ESRP1: variants seen among roughly 807,000 people sequenced by gnomAD.
ESRP1 encodes epithelial splicing regulatory protein 1, also known as RNA-binding motif protein 35A.
Under a neutral mutation model 81.7 loss-of-function variants are expected in ESRP1, and 33 were observed. The observed-to-expected ratio is 0.40, with a 90% CI of 0.31 to 0.54. The LOEUF (loss-of-function observed/expected upper bound fraction) is 0.54, where lower values mean the gene tolerates loss of function less well. Ranked by LOEUF, ESRP1 falls within the 20% of genes least tolerant of loss-of-function variation. The pLI, the probability that ESRP1 is intolerant of heterozygous loss-of-function variation, is 0.41. For synonymous variants in ESRP1, 320 were observed against 303.3 expected, an observed-to-expected ratio of 1.06 and a Z score of -0.57; for missense variants, 672 against 833.1, an observed-to-expected ratio of 0.81 and a Z score of 2.38.
At chr8:94,645,733 A>T (rs560083842) in intron 3 of ESRP1, among the ~76,000 whole-genome samples, 26 of 152,314 alleles carry the variant, frequency 1.7e-4, no homozygotes, top group African/African-American at 5.5e-4. Flanking sequence ...ATTAGAACCC[A>T]ATAGTTAGAA....
In ESRP1 at chr8:94,643,332, T is replaced by C. The variant is rs1817704692; in HGVS notation, c.291T>C (p.Asn97=). The part of the protein sequence containing the change: ...QFNQSVSNEL[N]IGVGTSFCLC... Reference sequence around the variant, plus strand: ...ACCAGTCAGTGAGCAATGAACTGAATATTGGAGTAGGGACTTCCTTCTGTC... The same window carrying C: ...ACCAGTCAGTGAGCAATGAACTGAACATTGGAGTAGGGACTTCCTTCTGTC... The change falls in exon 3 of 16, where the codon AAT becomes AAC. Residue 97 remains asparagine, a synonymous_variant. Coordinates refer to ENST00000433389, the MANE Select transcript of ESRP1 (RefSeq NM_017697.4). The C allele has an allele frequency of 1.2e-6, 2 of 1,613,480 alleles. No individual in the cohort carries two copies. The highest frequency in any genetic ancestry group is 2.2e-5 in the East Asian group (1 of 44,882).
At chr8:94,652,102 C>G (rs1315691549) in intron 4 of ESRP1, among the ~76,000 whole-genome samples, 2 of 144,376 alleles carry the variant, frequency 1.4e-5, no homozygotes, top group East Asian at 4.3e-4. Context: ...ATTCTCCTGT[C>G]TCAGCCTCCC....
At chr8:94,692,074 T>G (rs1809423627) in intron 13 of ESRP1, among the ~76,000 whole-genome samples, 1 of 152,100 alleles carries the variant, frequency 6.6e-6, no homozygotes, top group African/African-American at 2.4e-5. Flanking sequence ...TTTTCTCCCT[T>G]GTGTTAATGG....
intron 6 of ESRP1, among the ~76,000 whole-genome samples, chr8:94,662,997 C>T (rs745668369): frequency 1.3e-5 from 2 of 152,052 alleles, no homozygotes; most frequent in African/African-American, 4.8e-5. Flanking sequence ...TCTTGCTGTT[C>T]GGTCATCTGT....
intron 4 of ESRP1, chr8:94,655,881 C>T (rs920995245): frequency 5.9e-5 from 9 of 151,962 alleles, no homozygotes; most frequent in African/African-American, 2.2e-4. Flanking sequence ...ACAGTGAGAC[C>T]CTGTCTCGAA....
rs542933576 is a variant in ESRP1, at chr8:94,696,774, G to C, written c.1972-78G>C. ...TAAATGTCCTATACTTTTGTTGGTA[G>C]ATCTATTTAGCTGAAATATTATCCA... On this transcript the variant is annotated intron_variant, in intron 14 of 15. Transcript: ENST00000433389. The C allele has an allele frequency of 1.2e-5, 13 of 1,127,902 alleles. No individual in the cohort carries two copies. In the East Asian group the frequency reaches 3.4e-4, roughly 29 times the overall value. 69.9% of individuals were successfully genotyped at this position (1,127,902 alleles called of 1,614,324 possible).
chr8:94,657,480 T>TGTGC (rs755523947), intron 4 of ESRP1, among the ~76,000 whole-genome samples: 36 of 150,752 alleles, frequency 2.4e-4, no homozygotes, highest in African/African-American at 3.2e-4. Context: ...TGCGTGTGTG[T>TGTGC]GTGTGTGTGT....
In ESRP1 at chr8:94,692,823, A is replaced by T; in HGVS notation, c.1967A>T (p.Tyr656Phe). 3.1e-6 allele frequency: 5 copies of T among 1,612,870 alleles called. No individual in the cohort carries two copies. Among genetic ancestry groups the T allele is most frequent in the South Asian group, 1.1e-5 (1 of 90,790 alleles). Reference sequence around the variant, plus strand: ...GAAATTCTTAACTTCTTCCAAGGTTACCAGGTCAGTAGCTTGAAGGAGAAT... The same window carrying T: ...GAAATTCTTAACTTCTTCCAAGGTTTCCAGGTCAGTAGCTTGAAGGAGAAT... ...VKEILNFFQG[Y>F]QYATEDGLIH... Residue 656 changes from tyrosine (Y) to phenylalanine (F), a missense_variant, in exon 14 of 16, where the codon TAC becomes TTC. Tyr to Phe is a conservative substitution (Grantham distance 22). Coordinates refer to ENST00000433389, the MANE Select transcript of ESRP1 (RefSeq NM_017697.4).
Position 94,646,171 on chromosome 8 carries a change from G to A in ESRP1, c.379G>A (p.Val127Ile). 6.3e-7 allele frequency: 1 copy of A among 1,586,790 alleles called. No individual in the cohort carries two copies. The highest frequency in any genetic ancestry group is 8.6e-7 in the Non-Finnish European group (1 of 1,157,770). ...ILHPEASKKNVLLPECFYSFF... is the reference protein window; with the variant it reads ...ILHPEASKKNILLPECFYSFF... The stretch of plus-strand genomic sequence containing the variant: ...TATCTACCTTGTCCTTCCTCAGAAT[G>A]TACTATTACCTGAATGCTTCTATTC... Residue 127 changes from valine to isoleucine, a missense_variant, in exon 4 of 16, where the codon GTA (valine) becomes ATA (isoleucine). Val to Ile is a conservative substitution (Grantham distance 29). Coordinates refer to ENST00000433389, the MANE Select transcript of ESRP1 (RefSeq NM_017697.4).
Position 94,665,174 on chromosome 8 carries a change from A to C in ESRP1, c.909A>C (p.Glu303Asp), listed in dbSNP as rs1818957723. The C allele has an allele frequency of 6.2e-7, 1 of 1,613,392 alleles. No individual in the cohort carries two copies. Among genetic ancestry groups the C allele is most frequent in the South Asian group, 1.1e-5 (1 of 90,848 alleles). Reference sequence around the variant, plus strand: ...CTCAGGTTTACAAAGCAACAGGTGAAGATTTCCTTAAAATTGCTGGTGGTA... The same window carrying C: ...CTCAGGTTTACAAAGCAACAGGTGACGATTTCCTTAAAATTGCTGGTGGTA... ...RYIEVYKATGEDFLKIAGGTS... is the reference protein window; with the variant it reads ...RYIEVYKATGDDFLKIAGGTS... The change falls in exon 9 of 16, where the codon GAA becomes GAC. Residue 303 changes from glutamate to aspartate, a missense_variant. Transcript: ENST00000433389.
intron 4 of ESRP1, chr8:94,649,687 A>G (rs1275427872): frequency 1.3e-5 from 2 of 151,940 alleles, no homozygotes; most frequent in African/African-American, 2.4e-5. Flanking sequence ...TAATTTTTGT[A>G]TTATTAGTAG....
intron 4 of ESRP1, among the ~76,000 whole-genome samples, chr8:94,658,910 T>C (rs1211970289): frequency 4.6e-5 from 7 of 152,204 alleles, no homozygotes; most frequent in Admixed American, 4.6e-4. Context: ...TTGTATTTTG[T>C]CTTTTTTTAA....
chr8:94,662,289 A>G lies in ESRP1; in HGVS notation c.508A>G (p.Ser170Gly). The G allele has an allele frequency of 6.4e-7, 1 of 1,573,180 alleles. No individual in the cohort carries two copies. Among genetic ancestry groups the G allele is most frequent in the Non-Finnish European group, 8.6e-7 (1 of 1,157,258 alleles). The change falls in exon 5 of 16, where the codon AGT becomes GGT. Residue 170 changes from serine (S) to glycine (G), a missense_variant. By Grantham distance (56) the Ser-to-Gly change is moderately conservative (BLOSUM62 0). Coordinates refer to ENST00000433389, the MANE Select transcript of ESRP1 (RefSeq NM_017697.4). Reference protein sequence around the residue: ...TMTEYLNFEKSSSVSRYGASQ... With the variant: ...TMTEYLNFEKGSSVSRYGASQ... Reference sequence around the variant, plus strand: ...TCTCACAGATTTAAATTTTGAGAAGAGTAGTTCAGTCTCTCGATATGGAGC... The same window carrying G: ...TCTCACAGATTTAAATTTTGAGAAGGGTAGTTCAGTCTCTCGATATGGAGC...
chr8:94,660,709 C>CAAAAAAAAAAAAA (rs60316449), intron 4 of ESRP1, among the ~76,000 whole-genome samples: 4 of 43,532 alleles, frequency 9.2e-5, no homozygotes, highest in Admixed American at 3.8e-4. Flanking sequence ...GAGACTATCT[C>CAAAAAAAAAAAAA]AAAAAAAAAA....
intron 15 of ESRP1, among the ~76,000 whole-genome samples, chr8:94,700,821 C>T (rs895472570): frequency 2.0e-5 from 3 of 151,414 alleles, no homozygotes; most frequent in African/African-American, 4.9e-5. Context: ...CCCAGCTACT[C>T]GGGAGGCTGG....
intron 13 of ESRP1, chr8:94,688,206 C>A: frequency 6.6e-6 from 1 of 151,010 alleles, no homozygotes; most frequent in Non-Finnish European, 1.5e-5. Context: ...AATCTATGAC[C>A]AGCTGTTTTT....
At chr8:94,673,229 T>G (rs1819420782) in intron 11 of ESRP1, among the ~76,000 whole-genome samples, 1 of 152,242 alleles carries the variant, frequency 6.6e-6, no homozygotes, top group Non-Finnish European at 1.5e-5. Context: ...ATTTGGTTTC[T>G]TATTGAGTCA....
At chr8:94,701,302 TG>T (rs1809829799) in intron 15 of ESRP1, among the ~76,000 whole-genome samples, 1 of 150,246 alleles carries the variant, frequency 6.7e-6, no homozygotes, top group African/African-American at 2.5e-5. Flanking sequence ...ATTGAGCGAT[TG>T]ATCTCATGGC....
chr8:94,673,870 A>G (rs1236689282), intron 11 of ESRP1, among the ~76,000 whole-genome samples: 1 of 152,310 alleles, frequency 6.6e-6, no homozygotes, highest in East Asian at 1.9e-4. Context: ...GAGCCAAAAA[A>G]GAATACCGGT....
Sources: gnomAD v4.1 joint callset for allele counts (sites outside exome capture counted in the v4.1 genomes callset) on GRCh38, gnomAD v4.1.1 for gene constraint, MANE v1.5 for transcripts, NCBI Gene and HGNC (gene_info 2026-07-23, HGNC 2026-07-21) for gene names.